ZNF804B: variants seen among roughly 807,000 people sequenced by gnomAD.
The protein encoded by ZNF804B is zinc finger 804B.
In ZNF804B, 80 loss-of-function variants were observed where a neutral mutation model predicts 101.4. The ratio of observed to expected loss-of-function variants is 0.79; its 90% CI spans 0.66 to 0.95. The LOEUF (loss-of-function observed/expected upper bound fraction) is 0.95. Among genes scored for constraint, ZNF804B ranks in the 40% least tolerant of loss-of-function variants. The pLI, the probability that ZNF804B is intolerant of heterozygous loss-of-function variation, is 0.00. For missense variants in ZNF804B, 1,673 were observed against 1,561.9 expected (o/e 1.07, Z -1.20); for synonymous variants, 622 against 558.8 (o/e 1.11, Z -1.59).
At chr7:89,114,964 A>C (rs567356306) in intron 1 of ZNF804B, among the ~76,000 whole-genome samples, 120 of 152,336 alleles carry the variant, frequency 7.9e-4, no homozygotes, top group African/African-American at 2.7e-3. Context: ...GACCATAACC[A>C]AGTATTTTTT....
At chr7:88,815,350 T>C (rs1790859741) in intron 1 of ZNF804B, among the ~76,000 whole-genome samples, 1 of 149,062 alleles carries the variant, frequency 6.7e-6, no homozygotes, top group Non-Finnish European at 1.5e-5. Flanking sequence ...TTGTGTTTAA[T>C]ACCAGAAACC....
At chr7:89,022,093 G>T (rs1222383921) in intron 1 of ZNF804B, among the ~76,000 whole-genome samples, 1 of 151,980 alleles carries the variant, frequency 6.6e-6, no homozygotes, top group Admixed American at 6.6e-5. Flanking sequence ...TTGACTTCAG[G>T]TTGATCTCAT....
At chr7:88,854,527 T>TTCCCTTCCCTTCCCTTCCC (rs1554340248) in intron 1 of ZNF804B, among the ~76,000 whole-genome samples, 4 of 40,076 alleles carry the variant, frequency 1.0e-4, no homozygotes, top group African/African-American at 4.2e-4. Context: ...CTTTCCTTCC[T>TTCCCTTCCCTTCCCTTCCC]TTCCTTCCTT....
chr7:89,197,700 T>C lies in ZNF804B; in HGVS notation c.109-20455T>C, dbSNP rs537137312. On this transcript the variant is annotated intron_variant, in intron 1 of 3. Transcript: ENST00000333190. ...TTACTCATTAGAATTTATATTTTTC[T>C]CTTAACAGCACGCTTAGATTCTTGA... is the stretch of plus-strand genomic sequence containing the variant. Among the ~76,000 whole-genome samples the C allele has an allele frequency of 5.3e-5, 8 of 152,056 alleles. No individual in the cohort carries two copies. The South Asian group carries it at 8.3e-4, about 16-fold the overall frequency.
intron 1 of ZNF804B, among the ~76,000 whole-genome samples, chr7:88,815,809 C>G (rs989582470): frequency 1.3e-5 from 2 of 152,048 alleles, no homozygotes; most frequent in Admixed American, 6.6e-5. Context: ...CCTTCCTCTC[C>G]CACTGCATGG....
chr7:89,228,917 G>C (rs979396857), intron 2 of ZNF804B, among the ~76,000 whole-genome samples: 1 of 152,194 alleles, frequency 6.6e-6, no homozygotes, highest in African/African-American at 2.4e-5. Flanking sequence ...CCTGCCCCGC[G>C]GGAAGGCAGC....
At chr7:89,001,361 T>G (rs1330205020) in intron 1 of ZNF804B, among the ~76,000 whole-genome samples, 1 of 150,290 alleles carries the variant, frequency 6.7e-6, no homozygotes, top group Non-Finnish European at 1.5e-5. Context: ...TTCCTTTTCT[T>G]TTTTTTTTAA....
At chr7:89,276,684 TATATTTGTTAATAATC>T (rs564753951) in intron 2 of ZNF804B, among the ~76,000 whole-genome samples, 103 of 152,102 alleles carry the variant, frequency 6.8e-4, no homozygotes, top group Non-Finnish European at 1.2e-3. Flanking sequence ...TCTTTGAAAG[TATATTTGTTAATAATC>T]ACAATACCTC....
Position 89,336,643 on chromosome 7 carries a change from G to T in ZNF804B, c.3661G>T (p.Ala1221Ser), listed in dbSNP as rs765654397. 1 of 1,614,036 alleles carries T rather than the reference G, an allele frequency of 6.2e-7. No individual in the cohort carries two copies. Among genetic ancestry groups the T allele is most frequent in the Non-Finnish European group, 8.5e-7 (1 of 1,179,982 alleles). ...HTFLQHFAVS[A>S]SLSSHSSHLP... is the part of the protein sequence containing the mutation. ...GTTCCTGCAGCATTTTGCTGTTTCT[G>T]CTTCCTTAAGTTCTCATAGCAGTCA... The change falls in exon 4 of 4, where the codon GCT becomes TCT. Residue 1221 changes from alanine to serine, a missense_variant. Transcript: ENST00000333190.
intron 1 of ZNF804B, among the ~76,000 whole-genome samples, chr7:88,841,802 C>G (rs757955327): frequency 6.6e-6 from 1 of 152,146 alleles, no homozygotes; most frequent in Non-Finnish European, 1.5e-5. Context: ...TTATAAGCGT[C>G]ACTAAAACCT....
At chr7:89,190,335 T>TAA (rs375967399) in intron 1 of ZNF804B, among the ~76,000 whole-genome samples, 61 of 124,942 alleles carry the variant, frequency 4.9e-4, no homozygotes, top group African/African-American at 7.0e-4. Context: ...AACTCCGTCT[T>TAA]AAAAAAAAAA....
At chr7:89,091,208 A>G (rs1450778433) in intron 1 of ZNF804B, among the ~76,000 whole-genome samples, 1 of 152,060 alleles carries the variant, frequency 6.6e-6, no homozygotes, top group Non-Finnish European at 1.5e-5. Flanking sequence ...TCTCAGGATA[A>G]TAATGCCAGC....
chr7:89,065,845 TAA>T (rs1205045015), intron 1 of ZNF804B, among the ~76,000 whole-genome samples: 1 of 152,250 alleles, frequency 6.6e-6, no homozygotes, highest in East Asian at 1.9e-4. Flanking sequence ...CCTCCCTTTA[TAA>T]AGACTCTTAC....
At chr7:89,020,094 T>G (rs1218707143) in intron 1 of ZNF804B, among the ~76,000 whole-genome samples, 1 of 152,132 alleles carries the variant, frequency 6.6e-6, no homozygotes. Context: ...CCATGTGGGC[T>G]TGCTGTAATA....
chr7:89,269,438 C>T (rs533603982), intron 2 of ZNF804B, among the ~76,000 whole-genome samples: 1 of 152,230 alleles, frequency 6.6e-6, no homozygotes, highest in Admixed American at 6.5e-5. Flanking sequence ...GTATATGTGC[C>T]ACATTTTCTT....
intron 1 of ZNF804B, among the ~76,000 whole-genome samples, chr7:88,817,479 T>C (rs1046480659): frequency 2.0e-5 from 3 of 152,020 alleles, no homozygotes; most frequent in African/African-American, 4.8e-5. Context: ...GAATTGTCCA[T>C]GAAGGGAAAG....
rs373862067 is a variant in ZNF804B, at chr7:89,218,173, T to A, written c.127T>A (p.Ser43Thr). 6.2e-7 allele frequency: 1 copy of A among 1,612,622 alleles called. No individual in the cohort carries two copies. Among genetic ancestry groups the A allele is most frequent in the African/African-American group, 1.3e-5 (1 of 74,780 alleles). Reference sequence around the variant, plus strand: ...CTTAAAGGATTTTGCAGAAAAGAAGTCCACAGCAAAGGCCCTGGAAGATGT... The same window carrying A: ...CTTAAAGGATTTTGCAGAAAAGAAGACCACAGCAAAGGCCCTGGAAGATGT... ...SPSPDFAEKK[S>T]TAKALEDVKA... The change falls in exon 2 of 4, where the codon TCC becomes ACC. Residue 43 changes from serine to threonine, a missense_variant. By Grantham distance (58) the Ser-to-Thr change is moderately conservative. Transcript: ENST00000333190.
At chr7:89,200,096 T>C (rs1164581521) in intron 1 of ZNF804B, among the ~76,000 whole-genome samples, 1 of 151,776 alleles carries the variant, frequency 6.6e-6, no homozygotes, top group Non-Finnish European at 1.5e-5. Context: ...GTGAGAGTGA[T>C]ATTGTTATCC....
intron 1 of ZNF804B, among the ~76,000 whole-genome samples, chr7:88,977,074 C>T (rs993633665): frequency 1.3e-5 from 2 of 151,534 alleles, no homozygotes; most frequent in Admixed American, 6.6e-5. Flanking sequence ...TACATTACTG[C>T]GATAGATCTC....
Sources: allele counts gnomAD v4.1 joint callset (sites outside exome capture counted in the v4.1 genomes callset), GRCh38; gene constraint gnomAD v4.1.1; transcripts MANE v1.5; gene names NCBI Gene and HGNC (gene_info 2026-07-23, HGNC 2026-07-21).